ACYP1: variants seen among roughly 807,000 people sequenced by gnomAD.
The protein encoded by ACYP1 is acylphosphatase 1.
Under a neutral mutation model 10.4 loss-of-function variants are expected in ACYP1, and 8 were observed. That is an observed-to-expected ratio of 0.77 (90% CI 0.45 to 1.38). ACYP1 has a LOEUF of 1.38. Ranked by LOEUF, ACYP1 falls within the 40% of genes most tolerant of loss-of-function variation. ACYP1 has a pLI of 0.00. For synonymous variants in ACYP1, 38 were observed against 40.8 expected (o/e 0.93, Z 0.26); for missense variants, 93 against 117.3 (o/e 0.79, Z 0.96).
At chr14:75,063,916 A>G (rs1470208313) in intron 1 of ACYP1, 38 bp downstream of exon 1, 4 of 1,007,016 alleles carry the variant, frequency 4.0e-6, no homozygotes, top group Non-Finnish European at 3.6e-6. Flanking sequence ...GGGCTAATCG[A>G]CCTGAGAAGC....
intron 2 of ACYP1, among the ~76,000 whole-genome samples, chr14:75,061,154 G>T (rs188677719): frequency 4.1e-4 from 62 of 152,266 alleles, no homozygotes; most frequent in African/African-American, 1.5e-3. Context: ...TGGTTGCCAG[G>T]GGCTCAGGGG....
At chr14:75,068,368 G>T (rs1281744559), upstream of ACYP1, among the ~76,000 whole-genome samples, 1 of 152,088 alleles carries the variant, frequency 6.6e-6, no homozygotes, top group Non-Finnish European at 1.5e-5. Context: ...AAACAAAAAT[G>T]CAGGGGTAAA....
At position 75,053,580 on chromosome 14, in the gene ACYP1, G is replaced by A. The variant is rs756889829; in HGVS notation, c.164C>T (p.Pro55Leu). Residue 55 changes from proline (P) to leucine (L), a missense_variant, in exon 3 of 3, where the codon CCC (proline) becomes CTC (leucine). Pro to Leu is a moderately conservative substitution (Grantham distance 98, BLOSUM62 -3). Transcript: ENST00000238618. ...CTGCATATGACGCACCTTGGAGATG[G>A]GACCTTGCAATTGTCCTTGCACTGT... is the stretch of plus-strand genomic sequence containing the variant. ...RGTVQGQLQG[P>L]ISKVRHMQEW... 9.9e-6 allele frequency: 16 copies of A among 1,613,978 alleles called. No individual in the cohort carries two copies. The African/African-American group carries it at 1.5e-4, about 15-fold the overall frequency.
At position 75,053,377 on chromosome 14, in the gene ACYP1, G is replaced by A; in HGVS notation, c.*67C>T. ...CTAATGCTAATATTAACACACAATAGTTCTATCTCTATTAATAATAAAAAC... is the reference window on the plus strand; with the variant it reads ...CTAATGCTAATATTAACACACAATAATTCTATCTCTATTAATAATAAAAAC... On this transcript the variant is annotated 3_prime_UTR_variant, in exon 3 of 3. Coordinates refer to ENST00000238618, the MANE Select transcript of ACYP1 (RefSeq NM_001107.5). The A allele has an allele frequency of 7.2e-7, 1 of 1,385,040 alleles. No individual in the cohort carries two copies. Among genetic ancestry groups the A allele is most frequent in the Non-Finnish European group, 1.0e-6 (1 of 977,548 alleles). 85.8% of individuals were successfully genotyped at this position (1,385,040 alleles called of 1,614,324 possible). A position where few individuals can be genotyped will look rare whatever the true frequency, so the allele number is the denominator to read the frequency against.
upstream of ACYP1, chr14:75,064,158 G>T: frequency 2.3e-6 from 1 of 434,604 alleles, no homozygotes. Context: ...GGACGCGGTT[G>T]TCCGGCAACC....
At chr14:75,062,269 GAA>G (rs748467575) in intron 2 of ACYP1, among the ~76,000 whole-genome samples, 11 of 110,604 alleles carry the variant, frequency 9.9e-5, no homozygotes, top group Non-Finnish European at 1.3e-4. Flanking sequence ...TGTTAAAAGA[GAA>G]AAAAAAAAAA....
chr14:75,065,678 G>A (rs529779103), upstream of ACYP1, among the ~76,000 whole-genome samples: 14 of 152,094 alleles, frequency 9.2e-5, no homozygotes, highest in South Asian at 2.9e-3. Context: ...TAAAATATAT[G>A]GCATGATAAT....
At chr14:75,064,764 A>G, upstream of ACYP1, among the ~76,000 whole-genome samples, 2 of 152,188 alleles carry the variant, frequency 1.3e-5, no homozygotes. Context: ...AAAAAAATAA[A>G]CATCATAAAT....
At chr14:75,058,557 C>T (rs984186426) in intron 2 of ACYP1, among the ~76,000 whole-genome samples, 1 of 151,324 alleles carries the variant, frequency 6.6e-6, no homozygotes, top group Non-Finnish European at 1.5e-5. Flanking sequence ...CATGAGGGAC[C>T]TGGCCCCATT....
chr14:75,063,232 A>T (rs1266017675), intron 2 of ACYP1: 2 of 502,586 alleles, frequency 4.0e-6, no homozygotes, highest in Non-Finnish European at 7.2e-6. Flanking sequence ...GAAGCTCATT[A>T]ATATGTGTAT....
chr14:75,063,835 C>T, intron 1 of ACYP1, 119 bp downstream of exon 1: 2 of 783,250 alleles, frequency 2.6e-6, no homozygotes, highest in Non-Finnish European at 3.4e-6. Context: ...TACATCCATG[C>T]CCGGTCCCGC....
At chr14:75,069,215 G>A in exon 1 of ACYP1, 2 of 1,514,834 alleles carry the variant, frequency 1.3e-6, no homozygotes, top group Non-Finnish European at 1.8e-6. Flanking sequence ...CATACCTGGG[G>A]CCCGCCCAGC....
intron 2 of ACYP1, chr14:75,060,311 G>T (rs1892985997): frequency 4.6e-6 from 3 of 649,402 alleles, no homozygotes; most frequent in African/African-American, 1.8e-5. Flanking sequence ...ATACCCACTA[G>T]GATGGCTAAC....
chr14:75,061,580 G>C (rs537544058), intron 2 of ACYP1: 2 of 592,710 alleles, frequency 3.4e-6, no homozygotes, highest in South Asian at 7.1e-5. Context: ...GGGGCAGGTA[G>C]AGAAAGATGG....
chr14:75,068,635 C>A (rs1433993679), upstream of ACYP1, among the ~76,000 whole-genome samples: 1 of 151,454 alleles, frequency 6.6e-6, no homozygotes. Flanking sequence ...TAATCGGGAC[C>A]CTGAGTGGAG....
At chr14:75,060,640 T>C (rs149604507) in intron 2 of ACYP1, among the ~76,000 whole-genome samples, 3,148 of 152,318 alleles carry the variant, frequency 0.021, 70 homozygotes, top group African/African-American at 0.051. Context: ...TACAATGGAA[T>C]ATTATTCAGC....
In ACYP1 at chr14:75,053,407, C is replaced by G; in HGVS notation, c.*37G>C. The stretch of plus-strand genomic sequence containing the variant: ...ATCTCTATTAATAATAAAAACCAAA[C>G]CACTGAGTTTATCTTAGAAAACTTA... On this transcript the variant is annotated 3_prime_UTR_variant, in exon 3 of 3. Transcript: ENST00000238618. 1.9e-6 allele frequency: 3 copies of G among 1,571,302 alleles called. No homozygotes were observed. Among genetic ancestry groups the G allele is most frequent in the Non-Finnish European group, 2.6e-6 (3 of 1,142,004 alleles).
intron 2 of ACYP1, among the ~76,000 whole-genome samples, chr14:75,057,964 C>CAAAAAAAAAAAAAAAAAAAAAAAAA (rs769312151): frequency 5.2e-5 from 2 of 38,808 alleles, no homozygotes; most frequent in African/African-American, 1.1e-4. Flanking sequence ...GACTCTGTCT[C>CAAAAAAAAAAAAAAAAAAAAAAAAA]AAAAAAAAAA....
At chr14:75,055,234 C>T (rs1232858448) in intron 2 of ACYP1, among the ~76,000 whole-genome samples, 1 of 150,944 alleles carries the variant, frequency 6.6e-6, no homozygotes, top group Non-Finnish European at 1.5e-5. Flanking sequence ...CCACAGGCGC[C>T]CGCAACCACT....
Sources: gnomAD v4.1 joint callset for allele counts (sites outside exome capture counted in the v4.1 genomes callset) on GRCh38, gnomAD v4.1.1 for gene constraint, MANE v1.5 for transcripts, NCBI Gene and HGNC (gene_info 2026-07-23, HGNC 2026-07-21) for gene names.